TSEN15: variants seen among roughly 807,000 people sequenced by gnomAD.
TSEN15 encodes the protein tRNA-splicing endonuclease subunit Sen15.
Under a neutral mutation model 20.5 loss-of-function variants are expected in TSEN15, and 10 were observed. That is an observed-to-expected ratio of 0.49 (90% CI 0.30 to 0.83). TSEN15 has a LOEUF of 0.83. TSEN15 is among the 40% of genes least tolerant of loss of function. The probability of loss-of-function intolerance (pLI) is 0.06; values close to 1 mark genes in which losing one functional copy is unlikely to be tolerated. For synonymous variants in TSEN15, 72 were observed against 80.1 expected (o/e 0.90, Z 0.54); for missense variants, 180 against 218.6 (o/e 0.82, Z 1.11).
chr1:184,079,469 T>C (rs1470494376), intron 3 of TSEN15, among the ~76,000 whole-genome samples: 1 of 152,176 alleles, frequency 6.6e-6, no homozygotes, highest in Non-Finnish European at 1.5e-5. Context: ...ATTAAGGTGC[T>C]AGCAGACTTT....
In TSEN15 at chr1:184,054,403, T is replaced by C. The variant is rs1417569573; in HGVS notation, c.185T>C (p.Val62Ala). The change falls in exon 2 of 5, where the codon GTA becomes GCA. Residue 62 changes from valine to alanine, a missense_variant. By Grantham distance (64) the Val-to-Ala change is moderately conservative. Coordinates refer to ENST00000645668, the MANE Select transcript of TSEN15 (RefSeq NM_052965.4). Reference protein sequence around the residue: ...LDIGDATQVYVAFLVYLDLME... With the variant: ...LDIGDATQVYAAFLVYLDLME... ...ATAGGAGATGCCACCCAAGTTTATG[T>C]AGCGTTCTTGGTTTACCTGGACCTC... The C allele has an allele frequency of 6.2e-7, 1 of 1,610,478 alleles. No homozygotes were observed. Among genetic ancestry groups the C allele is most frequent in the South Asian group, 1.1e-5 (1 of 90,856 alleles).
chr1:184,057,525 T>C (rs143717638), intron 3 of TSEN15, among the ~76,000 whole-genome samples: 2 of 152,310 alleles, frequency 1.3e-5, no homozygotes, highest in African/African-American at 4.8e-5. Context: ...GTCTTGGGAC[T>C]GACACTTAAC....
At chr1:184,072,604 A>G in intron 4 of TSEN15, 1 of 582,090 alleles carries the variant, frequency 1.7e-6, no homozygotes, top group Non-Finnish European at 3.0e-6. Flanking sequence ...GGTGGAATGT[A>G]AAGGCTAATA....
chr1:184,051,849 T>A lies in TSEN15; in HGVS notation c.94T>A (p.Ser32Thr). ...CTTTGGCGACGGCGGTGGAGCTCCTTCGTGGGCCCCTGAGGACGCCTGGAT... is the reference window on the plus strand; with the variant it reads ...CTTTGGCGACGGCGGTGGAGCTCCTACGTGGGCCCCTGAGGACGCCTGGAT... The part of the protein sequence containing the change: ...RGFGDGGGAP[S>T]WAPEDAWMGT... Residue 32 changes from serine to threonine, a missense_variant, in exon 1 of 5, where the codon TCG becomes ACG. By Grantham distance (58) the Ser-to-Thr change is moderately conservative. This residue lies in a region of TSEN15 where 76 missense variants were observed against 66.5 expected (regional missense o/e 1.14). Transcript: ENST00000645668. 2 of 1,552,174 alleles carry A rather than the reference T, an allele frequency of 1.3e-6. No individual in the cohort carries two copies. The highest frequency in any genetic ancestry group is 1.7e-6 in the Non-Finnish European group (2 of 1,148,830).
chr1:184,084,498 T>A (rs565441715), intron 3 of TSEN15, among the ~76,000 whole-genome samples: 1 of 151,242 alleles, frequency 6.6e-6, no homozygotes, highest in South Asian at 2.1e-4. Context: ...GATTTATGGA[T>A]AATATCTTAA....
chr1:184,097,256 G>GT (rs1032237734), exon 4 of TSEN15: 6 of 152,166 alleles, frequency 3.9e-5, no homozygotes, highest in Non-Finnish European at 7.3e-5. Flanking sequence ...GTTGAAGGAG[G>GT]TTTTTTGTGT....
Position 184,051,732 on chromosome 1 carries a change from C to T in TSEN15, c.-24C>T, listed in dbSNP as rs926464494. The T allele has an allele frequency of 8.8e-5, 122 of 1,386,496 alleles. No homozygotes were observed. The highest frequency in any genetic ancestry group is 1.1e-4 in the Non-Finnish European group (120 of 1,069,112). 85.9% of individuals were successfully genotyped at this position (1,386,496 alleles called of 1,614,324 possible). On this transcript the variant is annotated 5_prime_UTR_variant, in exon 1 of 5. Transcript: ENST00000645668. Reference sequence around the variant, plus strand: ...TGGCCGGGCGCGGGTCGTGGTGCACCACGGGAGCGCCGCACCGGCCGGCAT... The same window carrying T: ...TGGCCGGGCGCGGGTCGTGGTGCACTACGGGAGCGCCGCACCGGCCGGCAT...
At position 184,069,343 on chromosome 1, in the gene TSEN15, G is replaced by C. The variant is rs537662121; in HGVS notation, c.354-2814G>C. ...TGAAACTGTTAGTATTAATACATAGGTTATATTTTTCATAGGTTGATTTCT... is the reference window on the plus strand; with the variant it reads ...TGAAACTGTTAGTATTAATACATAGCTTATATTTTTCATAGGTTGATTTCT... On this transcript the variant is annotated intron_variant, in intron 3 of 4. Transcript: ENST00000645668. Among the ~76,000 whole-genome samples the C allele has an allele frequency of 2.3e-3, 352 of 151,946 alleles. 2 individuals carry two copies. Among genetic ancestry groups the C allele is most frequent in the Middle Eastern group, 6.9e-3 (2 of 288 alleles).
chr1:184,059,195 G>T (rs575401836), intron 3 of TSEN15, among the ~76,000 whole-genome samples: 79 of 152,070 alleles, frequency 5.2e-4, no homozygotes, highest in Non-Finnish European at 9.9e-4. Flanking sequence ...TAGTTTAACA[G>T]GGATATGTAC....
intron 3 of TSEN15, chr1:184,093,489 G>T (rs1035878697): frequency 3.5e-4 from 53 of 152,128 alleles, no homozygotes; most frequent in African/African-American, 1.3e-3. Context: ...TAGGGCTCTT[G>T]TGAGGATTAA....
intron 3 of TSEN15, chr1:184,058,174 C>T: frequency 2.3e-6 from 1 of 426,468 alleles, no homozygotes. Context: ...GTAATTAATG[C>T]TTTTCTAGCT....
chr1:184,054,476 G>A (rs756115720), intron 2 of TSEN15, 41 bp downstream of exon 2: 1 of 1,469,730 alleles, frequency 6.8e-7, no homozygotes, highest in Non-Finnish European at 9.5e-7. Context: ...TGGGACTGTG[G>A]TAGAGATTTG....
intron 3 of TSEN15, chr1:184,094,736 A>G (rs570164693): frequency 6.6e-4 from 213 of 321,426 alleles, no homozygotes; most frequent in African/African-American, 4.3e-3. Flanking sequence ...CCTACCATCA[A>G]ATGATTCCCA....
At chr1:184,091,356 A>T (rs1043912651) in intron 3 of TSEN15, among the ~76,000 whole-genome samples, 1 of 152,072 alleles carries the variant, frequency 6.6e-6, no homozygotes, top group African/African-American at 2.4e-5. Flanking sequence ...TACAGTATAT[A>T]TAGTCACCAA....
chr1:184,064,571 C>G (rs12083790), intron 3 of TSEN15, among the ~76,000 whole-genome samples: 1 of 151,574 alleles, frequency 6.6e-6, no homozygotes, highest in African/African-American at 2.4e-5. Context: ...ACAAACAGCT[C>G]TCCTCCTGGG....
chr1:184,061,429 A>G (rs188703354), intron 3 of TSEN15, among the ~76,000 whole-genome samples: 13 of 152,216 alleles, frequency 8.5e-5, no homozygotes, highest in Admixed American at 5.2e-4. Flanking sequence ...TGGAGCTACA[A>G]TTTCTTATTA....
chr1:184,054,923 C>T, intron 3 of TSEN15, 60 bp downstream of exon 3: 1 of 1,541,534 alleles, frequency 6.5e-7, no homozygotes, highest in Non-Finnish European at 8.8e-7. Context: ...AAACATTAAA[C>T]ATAGTGATGT....
At chr1:184,076,845 C>T (rs1357149508), downstream of TSEN15, among the ~76,000 whole-genome samples, 2 of 152,104 alleles carry the variant, frequency 1.3e-5, no homozygotes, top group East Asian at 3.9e-4. Flanking sequence ...CTTTTCAATT[C>T]TATGAAGGCT....
chr1:184,087,982 A>G (rs1222416123), intron 3 of TSEN15, among the ~76,000 whole-genome samples: 2 of 152,202 alleles, frequency 1.3e-5, no homozygotes, highest in Non-Finnish European at 2.9e-5. Flanking sequence ...GGGGAGACCT[A>G]AGCTCCTGGT....
Sources: gnomAD v4.1 joint callset for allele counts (sites outside exome capture counted in the v4.1 genomes callset) on GRCh38, gnomAD v4.1.1 for gene constraint, gnomAD v4.1.1 regional missense constraint, MANE v1.5 for transcripts, NCBI Gene and HGNC (gene_info 2026-07-23, HGNC 2026-07-21) for gene names.